FSTL5: variants seen among roughly 807,000 people sequenced by gnomAD.
FSTL5 encodes follistatin like 5.
Under a neutral mutation model 89.1 loss-of-function variants are expected in FSTL5, and 62 were observed. That is an observed-to-expected ratio of 0.70 (90% confidence interval 0.57 to 0.86). FSTL5 has a LOEUF of 0.86. FSTL5 is among the 40% of genes least tolerant of loss of function. The pLI, the probability that FSTL5 is intolerant of heterozygous loss-of-function variation, is 0.00. For synonymous variants in FSTL5, 383 were observed against 346.2 expected (o/e 1.11, Z -1.18); for missense variants, 1,057 against 1,001.6 (o/e 1.06, Z -0.75).
chr4:162,117,629 A>G (rs1321723255), intron 1 of FSTL5, among the ~76,000 whole-genome samples: 1 of 152,198 alleles, frequency 6.6e-6, no homozygotes, highest in Admixed American at 6.5e-5. Flanking sequence ...TGAAATGGTA[A>G]ATTTGGAAAA....
chr4:161,768,322 G>A (rs1442967586), intron 5 of FSTL5, among the ~76,000 whole-genome samples: 1 of 152,002 alleles, frequency 6.6e-6, no homozygotes, highest in Non-Finnish European at 1.5e-5. Context: ...CTTGCCATTC[G>A]TTTTCAAGGA....
intron 4 of FSTL5, among the ~76,000 whole-genome samples, chr4:161,791,871 C>T (rs920951394): frequency 5.3e-5 from 8 of 152,200 alleles, no homozygotes; most frequent in African/African-American, 1.9e-4. Flanking sequence ...TCTGGAGCAG[C>T]AGCTGCAAAG....
intron 11 of FSTL5, among the ~76,000 whole-genome samples, chr4:161,504,940 T>A (rs945128942): frequency 6.6e-6 from 1 of 152,038 alleles, no homozygotes; most frequent in Non-Finnish European, 1.5e-5. Flanking sequence ...ATAAAAAAGA[T>A]TTTGTGATGT....
At chr4:161,611,669 G>C (rs1484463385) in intron 7 of FSTL5, among the ~76,000 whole-genome samples, 1 of 152,144 alleles carries the variant, frequency 6.6e-6, no homozygotes, top group East Asian at 1.9e-4. Flanking sequence ...TGAACACATA[G>C]AAATGCTAAT....
At chr4:162,098,597 C>A (rs1242997201) in intron 2 of FSTL5, among the ~76,000 whole-genome samples, 2 of 151,780 alleles carry the variant, frequency 1.3e-5, no homozygotes, top group African/African-American at 2.4e-5. Context: ...AGGCAAAACC[C>A]CCAGAATAGT....
intron 13 of FSTL5, among the ~76,000 whole-genome samples, chr4:161,476,194 TTTG>T (rs1445882144): frequency 4.7e-4 from 50 of 105,968 alleles, no homozygotes; most frequent in Non-Finnish European, 3.4e-4. Context: ...TTTTTGTTTG[TTTG>T]TTTTTTTGAG....
chr4:162,087,175 C>G (rs1730354981), intron 2 of FSTL5, among the ~76,000 whole-genome samples: 1 of 152,012 alleles, frequency 6.6e-6, no homozygotes. Context: ...ATAAACCAAA[C>G]TTTAATTATT....
At chr4:161,391,081 T>C (rs1236384570) in intron 15 of FSTL5, among the ~76,000 whole-genome samples, 1 of 152,130 alleles carries the variant, frequency 6.6e-6, no homozygotes, top group African/African-American at 2.4e-5. Context: ...AGCCAAACAC[T>C]CTATCCTGTT....
At chr4:161,637,754 G>C (rs1735776955) in intron 7 of FSTL5, among the ~76,000 whole-genome samples, 1 of 118,490 alleles carries the variant, frequency 8.4e-6, no homozygotes, top group Admixed American at 8.5e-5. Context: ...TCTCAGGTTT[G>C]TCAAAGATCA....
intron 11 of FSTL5, among the ~76,000 whole-genome samples, chr4:161,508,564 CA>C (rs1730556108): frequency 6.6e-6 from 1 of 151,998 alleles, no homozygotes; most frequent in African/African-American, 2.4e-5. Context: ...TAACAGAATA[CA>C]TTTTTAAATA....
intron 3 of FSTL5, among the ~76,000 whole-genome samples, chr4:161,953,348 AC>A (rs1246151786): frequency 6.6e-6 from 1 of 151,572 alleles, no homozygotes; most frequent in Non-Finnish European, 1.5e-5. Flanking sequence ...ATATTATAAA[AC>A]TTTTAAATGT....
chr4:162,040,455 T>C (rs186001766), intron 2 of FSTL5, among the ~76,000 whole-genome samples: 129 of 152,002 alleles, frequency 8.5e-4, no homozygotes, highest in Non-Finnish European at 1.2e-3. Context: ...CACACACATA[T>C]AGGTTCACAC....
chr4:161,826,873 T>TAGG (rs895759842), intron 4 of FSTL5, among the ~76,000 whole-genome samples: 60 of 152,230 alleles, frequency 3.9e-4, no homozygotes, highest in African/African-American at 1.3e-3. Context: ...GTAGATGATT[T>TAGG]AGGCCATTTA....
chr4:161,796,187 T>C (rs1364166527), intron 4 of FSTL5, among the ~76,000 whole-genome samples: 1 of 151,956 alleles, frequency 6.6e-6, no homozygotes, highest in South Asian at 2.1e-4. Context: ...TAGAACTCTA[T>C]CTACTTCTAC....
chr4:161,862,368 G>T (rs967077950), intron 4 of FSTL5, among the ~76,000 whole-genome samples: 1 of 152,096 alleles, frequency 6.6e-6, no homozygotes, highest in Admixed American at 6.5e-5. Context: ...CCAAAATTAG[G>T]CAGGCAAAGT....
chr4:162,082,342 T>G (rs191507386), intron 2 of FSTL5, among the ~76,000 whole-genome samples: 3 of 151,736 alleles, frequency 2.0e-5, no homozygotes, highest in Non-Finnish European at 3.0e-5. Context: ...TTGCTGGTAT[T>G]TCCTATTATT....
At chr4:161,492,787 T>C (rs1358349211) in intron 12 of FSTL5, among the ~76,000 whole-genome samples, 1 of 152,120 alleles carries the variant, frequency 6.6e-6, no homozygotes, top group Non-Finnish European at 1.5e-5. Context: ...TTCATTGTAA[T>C]TCTTATTATA....
intron 1 of FSTL5, among the ~76,000 whole-genome samples, chr4:162,150,030 C>A (rs553010389): frequency 2.0e-5 from 3 of 152,096 alleles, no homozygotes; most frequent in African/African-American, 7.2e-5. Flanking sequence ...TTTTTGCTAA[C>A]AGTTTAGAAC....
rs184796717 is a variant in FSTL5, at chr4:162,023,719, T to C, written c.160+9906A>G. Among the ~76,000 whole-genome samples the C allele has an allele frequency of 2.0e-3, 300 of 152,102 alleles. 2 individuals are homozygous for C. Among genetic ancestry groups the C allele is most frequent in the African/African-American group, 6.9e-3 (286 of 41,512 alleles). ...ATAGCTGATAGGATTGAAGAAAAGGTTTGTGTAGTGAGCTGTTAGAAATAG... is the reference window on the plus strand; with the variant it reads ...ATAGCTGATAGGATTGAAGAAAAGGCTTGTGTAGTGAGCTGTTAGAAATAG... On this transcript the variant is annotated intron_variant, in intron 3 of 15. Coordinates refer to ENST00000306100, the MANE Select transcript of FSTL5 (RefSeq NM_020116.5).
Sources: allele counts gnomAD v4.1 joint callset (sites outside exome capture counted in the v4.1 genomes callset), GRCh38; gene constraint gnomAD v4.1.1; transcripts MANE v1.5; gene names NCBI Gene and HGNC (gene_info 2026-07-23, HGNC 2026-07-21).